Variants in MYO15B observed in about 807,000 individuals in gnomAD.
The protein encoded by MYO15B is myosin XVB, also known as myosin XVB pseudogene.
A neutral mutation model predicts 119.3 loss-of-function variants in MYO15B; 207 were observed. That is an observed-to-expected ratio of 1.73 (90% CI 1.55 to 1.95). The LOEUF is 1.95. Among genes scored for constraint, MYO15B ranks in the 30% most tolerant of loss-of-function variants. The pLI is 0.00. For synonymous variants in MYO15B, 966 were observed against 498.9 expected (o/e 1.94, Z -12.48); for missense variants, 2,264 against 1,203.1 (o/e 1.88, Z -13.04).
Position 75,620,034 on chromosome 17 carries a change from A to ACGGGTTGAGAGGC in MYO15B, c.7443+19_7443+31dup. Reference sequence around the variant, plus strand: ...GAGCTTAAGAAGGTAAGTGTGGGGCACGGGTTGAGAGGCCGGGCAGACAGC... The same window carrying ACGGGTTGAGAGGC: ...GAGCTTAAGAAGGTAAGTGTGGGGCACGGGTTGAGAGGCCGGGTTGAGAGGCCGGGCAGACAGC... On this transcript the variant is annotated intron_variant, in intron 47 of 63. Transcript: ENST00000645453. The ACGGGTTGAGAGGC allele has an allele frequency of 1.4e-6, 1 of 695,646 alleles. No homozygotes were observed. The allele number at this position is 695,646 out of a possible 1,614,324, so 43.1% of individuals were successfully genotyped here.
At chr17:75,601,607 G>T (rs1318718283) in intron 15 of MYO15B, 44 bp downstream of exon 15, 1 of 692,592 alleles carries the variant, frequency 1.4e-6, no homozygotes, top group Non-Finnish European at 2.6e-6. Flanking sequence ...AGCGAGGGCA[G>T]TGTCCCCTCC....
exon 1 of MYO15B, chr17:75,588,535 C>G: frequency 2.5e-6 from 1 of 398,676 alleles, no homozygotes. Flanking sequence ...CAGCTCCTGT[C>G]CGGACAGCGA....
chr17:75,626,341 G>A (rs1290567432), intron 63 of MYO15B, 66 bp from the exon 64 acceptor site: 4 of 701,768 alleles, frequency 5.7e-6, no homozygotes, highest in South Asian at 1.5e-5. Context: ...CCGGAGTGCT[G>A]TGGGCCGGGG....
rs79280043 is a variant in MYO15B at position 75,616,494 on chromosome 17, G to A, written c.6245-30G>A. On this transcript the variant is annotated intron_variant, in intron 38 of 63. Transcript: ENST00000645453. Reference sequence around the variant, plus strand: ...CTGGGGCTCCGGTGGCTCTGCACGCGGTTAACAGTCTTTCCTGTTTCCTGG... The same window carrying A: ...CTGGGGCTCCGGTGGCTCTGCACGCAGTTAACAGTCTTTCCTGTTTCCTGG... 2,654 of 691,228 alleles carry A rather than the reference G, an allele frequency of 3.8e-3. 45 individuals carry two copies. The African/African-American group carries it at 0.041, about 11-fold the overall frequency. 42.8% of individuals were successfully genotyped at this position (691,228 alleles called of 1,614,324 possible).
intron 9 of MYO15B, chr17:75,593,045 C>G (rs1380175617): frequency 3.8e-6 from 2 of 529,536 alleles, no homozygotes; most frequent in Non-Finnish European, 6.7e-6. Flanking sequence ...AGCTGCCACC[C>G]CTAAGAACAT....
rs1470856275 is a variant in MYO15B at position 75,625,509 on chromosome 17, C to T, written c.8805-18C>T. On this transcript the variant is annotated intron_variant, in intron 60 of 63. Transcript: ENST00000645453. ...CCAGGTGGTCAGGGGCCAAACTGAC[C>T]CTGGTCACACATCCTAGGCAGGACC... is the stretch of plus-strand genomic sequence containing the variant. 1 of 702,978 alleles carries T rather than the reference C, an allele frequency of 1.4e-6. No homozygotes were observed. The highest frequency in any genetic ancestry group is 2.6e-6 in the Non-Finnish European group (1 of 384,976). The allele number at this position is 702,978 out of a possible 1,614,324, so 43.5% of individuals were successfully genotyped here.
intron 28 of MYO15B, 42 bp downstream of exon 28, chr17:75,613,513 G>C (rs1307212539): frequency 1.5e-6 from 1 of 660,678 alleles, no homozygotes; most frequent in Admixed American, 2.7e-5. Context: ...GCCTGAAGTG[G>C]GGCCAGCCCT....
chr17:75,592,288 G>A (rs1002397413), exon 7 of MYO15B: 8 of 702,776 alleles, frequency 1.1e-5, no homozygotes, highest in Non-Finnish European at 2.1e-5. Context: ...GAGACCTCCA[G>A]GGTGGTGTTT....
chr17:75,620,411 G>A (rs1220947932), intron 48 of MYO15B, 54 bp downstream of exon 48: 4 of 702,650 alleles, frequency 5.7e-6, no homozygotes, highest in African/African-American at 1.7e-5. Flanking sequence ...ACTTGGCAGA[G>A]GCTGCCCGGG....
intron 14 of MYO15B, chr17:75,600,627 C>T (rs1375660080): frequency 3.1e-5 from 2 of 64,584 alleles, no homozygotes; most frequent in African/African-American, 4.1e-5. Flanking sequence ...TTCTTGTTGC[C>T]CAGGCTGGAG....
chr17:75,602,160 G>A, intron 15 of MYO15B: 2 of 359,278 alleles, frequency 5.6e-6, no homozygotes, highest in Non-Finnish European at 1.1e-5. Flanking sequence ...AACTACCCAG[G>A]AGTTGCCCCC....
intron 50 of MYO15B, 50 bp downstream of exon 50, chr17:75,621,226 A>G: frequency 1.5e-6 from 1 of 662,998 alleles, no homozygotes; most frequent in Non-Finnish European, 2.8e-6. Flanking sequence ...AGTCTTCCTG[A>G]GAGAGAGCAC....
intron 14 of MYO15B, among the ~76,000 whole-genome samples, chr17:75,599,823 A>T (rs1243567125): frequency 6.7e-6 from 1 of 149,338 alleles, no homozygotes; most frequent in African/African-American, 2.5e-5. Context: ...TGAACCCGGG[A>T]GGTGGAGGTT....
intron 21 of MYO15B, chr17:75,606,833 A>C (rs2467568): frequency 0.06 from 23,808 of 395,482 alleles, 2,411 homozygotes; most frequent in African/African-American, 0.3. Context: ...CCCCAGCCCA[A>C]TTTAGGCCAG....
rs1483407168 is a variant in MYO15B at position 75,624,576 on chromosome 17, C to T, written c.8479C>T (p.Gln2827Ter). 6 of 702,926 alleles carry T rather than the reference C, an allele frequency of 8.5e-6. No individual in the cohort carries two copies. The highest frequency in any genetic ancestry group is 1.6e-5 in the Non-Finnish European group (6 of 385,010). The allele number at this position is 702,926 out of a possible 1,614,324, so 43.5% of individuals were successfully genotyped here. ...AGAAGTGCAGGAGGAGCTGTGCCGGCAAATGGGTATCACGGAGCCTCAGGA... is the reference window on the plus strand; with the variant it reads ...AGAAGTGCAGGAGGAGCTGTGCCGGTAAATGGGTATCACGGAGCCTCAGGA... Residue 2827 changes from glutamine to a stop codon, truncating the protein, a stop_gained, in exon 58 of 64, where the codon CAA becomes TAA. Transcript: ENST00000645453. LOFTEE classifies it high-confidence loss of function.
Position 75,589,629 on chromosome 17 carries a change from A to G in MYO15B, c.1572A>G (p.Thr524=), listed in dbSNP as rs1054252042. Residue 524 remains threonine (T), a synonymous_variant, in exon 1 of 64, where the codon ACA becomes ACG. Coordinates refer to ENST00000645453, the Ensembl canonical transcript of MYO15B. The surrounding 1 kb of genome is among the most constrained non-coding windows in gnomAD (Gnocchi z 4.2). ...GTGGCCGCTCCCCGCAGGTCCCGAC[A>G]AGCCCAGTCCCCGGCGACCCTTTTG... 1 of 398,998 alleles carries G rather than the reference A, an allele frequency of 2.5e-6. No homozygotes were observed. Among genetic ancestry groups the G allele is most frequent in the Non-Finnish European group, 4.4e-6 (1 of 226,122 alleles). 24.7% of individuals were successfully genotyped at this position (398,998 alleles called of 1,614,324 possible).
Position 75,601,572 on chromosome 17 carries a change from C to T in MYO15B, c.3651+9C>T, listed in dbSNP as rs1207702146. 7.1e-6 allele frequency: 5 copies of T among 702,728 alleles called. No individual in the cohort carries two copies. Among genetic ancestry groups the T allele is most frequent in the Non-Finnish European group, 1.0e-5 (4 of 384,850 alleles). The allele number at this position is 702,728 out of a possible 1,614,324, so 43.5% of individuals were successfully genotyped here. ...GGACTGTCACCTACCAGGTACCTGG[C>T]CTCAGGGACAGACCAGGGTGAATCA... is the stretch of plus-strand genomic sequence containing the variant. On this transcript the variant is annotated intron_variant, in intron 15 of 63. Coordinates refer to ENST00000645453, the Ensembl canonical transcript of MYO15B.
intron 52 of MYO15B, 105 bp from the exon 53 acceptor site, chr17:75,621,899 T>C: frequency 1.5e-6 from 1 of 646,850 alleles, no homozygotes; most frequent in South Asian, 1.7e-5. Flanking sequence ...ATTTTGAGAG[T>C]GAGGCATCAG....
chr17:75,614,171 C>T (rs1327342186), intron 29 of MYO15B, 28 bp from the exon 30 acceptor site: 2 of 699,302 alleles, frequency 2.9e-6, no homozygotes, highest in Admixed American at 4.0e-5. Flanking sequence ...TGGCCGCCTG[C>T]CTCACTGACT....
Sources: allele counts gnomAD v4.1 joint callset (sites outside exome capture counted in the v4.1 genomes callset), GRCh38; gene constraint gnomAD v4.1.1; non-coding constraint Gnocchi (gnomAD v3.1); transcripts MANE v1.5; gene names NCBI Gene and HGNC (gene_info 2026-07-23, HGNC 2026-07-21).